Variants in INSYN2A observed in about 807,000 individuals in gnomAD.
INSYN2A encodes inhibitory synaptic factor 2A, also known as family with sequence similarity 196 member A.
Under a neutral mutation model 39.4 loss-of-function variants are expected in INSYN2A, and 17 were observed. The observed-to-expected ratio is 0.43, with a 90% CI of 0.30 to 0.65. The LOEUF is 0.65. Ranked by LOEUF, INSYN2A falls within the 30% of genes least tolerant of loss-of-function variation. INSYN2A has a pLI of 0.14. For missense variants in INSYN2A, 595 were observed against 631.2 expected (o/e 0.94, Z 0.61); for synonymous variants, 255 against 265.7 (o/e 0.96, Z 0.39).
At chr10:127,164,159 C>CTTTT (rs528947051) in intron 4 of INSYN2A, among the ~76,000 whole-genome samples, 2 of 63,582 alleles carry the variant, frequency 3.1e-5, no homozygotes, top group Admixed American at 2.3e-4. Context: ...CATTTGCCTC[C>CTTTT]TTTTTTTTTT....
intron 2 of INSYN2A, among the ~76,000 whole-genome samples, chr10:127,192,060 G>A (rs2056792934): frequency 6.6e-6 from 1 of 152,126 alleles, no homozygotes; most frequent in Admixed American, 6.5e-5. Context: ...TGATATGGTG[G>A]GGTTTTCTTT....
At chr10:127,159,690 C>T (rs140222200) in intron 4 of INSYN2A, among the ~76,000 whole-genome samples, 15 of 152,182 alleles carry the variant, frequency 9.9e-5, no homozygotes, top group East Asian at 7.7e-4. Context: ...ATTCCTTTTA[C>T]GGACCGTTGG....
intron 4 of INSYN2A, among the ~76,000 whole-genome samples, chr10:127,172,643 CCA>C (rs1214587590): frequency 2.0e-5 from 3 of 152,166 alleles, no homozygotes; most frequent in Non-Finnish European, 4.4e-5. Context: ...CTATCTGAGT[CCA>C]GAGGGCTCTG....
intron 5 of INSYN2A, among the ~76,000 whole-genome samples, chr10:127,141,528 C>A (rs539378043): frequency 1.3e-5 from 2 of 152,238 alleles, no homozygotes; most frequent in Admixed American, 1.3e-4. Flanking sequence ...CATGGTGAAA[C>A]CCCATCTGTA....
At chr10:127,187,826 C>A (rs1274591537) in intron 2 of INSYN2A, among the ~76,000 whole-genome samples, 2 of 152,076 alleles carry the variant, frequency 1.3e-5, no homozygotes, top group African/African-American at 2.4e-5. Context: ...TGGTCTCTAC[C>A]CCAGTCCAGG....
rs2050786927 is a variant in INSYN2A, at chr10:127,137,330, T to G, written c.*507A>C. ...ATGGTCTCCGACCACTTGAAAAAAT[T>G]GTGCTTTCTCCGGAATTTGATGTGC... On this transcript the variant is annotated 3_prime_UTR_variant, in exon 6 of 6. Transcript: ENST00000522781. 6.5e-6 allele frequency: 1 copy of G among 153,154 alleles called. No homozygotes were observed. The allele number at this position is 153,154 out of a possible 1,614,324, so 9.5% of individuals were successfully genotyped here.
chr10:127,186,506 C>A (rs1452212093), intron 2 of INSYN2A, among the ~76,000 whole-genome samples: 4 of 19,170 alleles, frequency 2.1e-4, no homozygotes, highest in South Asian at 2.8e-3. Context: ...TGGGAGAAAC[C>A]GCCCCCCCGC....
chr10:127,190,528 C>T (rs951208725), intron 2 of INSYN2A, among the ~76,000 whole-genome samples: 10 of 110,316 alleles, frequency 9.1e-5, no homozygotes, highest in Non-Finnish European at 1.2e-4. Context: ...CGCTGTGAAT[C>T]GCTTCATCCA....
At position 127,171,826 on chromosome 10, in the gene INSYN2A, C is replaced by A. The variant is rs367681384; in HGVS notation, c.1184+3386G>T. Among the ~76,000 whole-genome samples the A allele has an allele frequency of 1.6e-4, 25 of 152,290 alleles. No homozygotes were observed. In the East Asian group the frequency reaches 3.1e-3, roughly 19 times the overall value. ...TCAAGCAATTCTCCTGCCTCAGCCT[C>A]TGGAGGAGCTAGGATTACAGGTGCC... On this transcript the variant is annotated intron_variant, in intron 4 of 5. Transcript: ENST00000522781.
At chr10:127,163,665 T>C (rs1206904249) in intron 4 of INSYN2A, among the ~76,000 whole-genome samples, 4 of 152,174 alleles carry the variant, frequency 2.6e-5, no homozygotes, top group Admixed American at 6.5e-5. Flanking sequence ...GTATTCATAT[T>C]AGCCCATTTT....
intron 4 of INSYN2A, among the ~76,000 whole-genome samples, chr10:127,162,927 A>G (rs1439261945): frequency 6.6e-6 from 1 of 152,176 alleles, no homozygotes; most frequent in Admixed American, 6.5e-5. Flanking sequence ...GGAATTCTTG[A>G]TGGGTTAAGG....
intron 5 of INSYN2A, among the ~76,000 whole-genome samples, chr10:127,140,417 G>A (rs542172466): frequency 5.2e-4 from 79 of 152,274 alleles, no homozygotes; most frequent in Non-Finnish European, 8.7e-4. Flanking sequence ...ACTTGGAAAC[G>A]CCTGCCAGCA....
At chr10:127,142,743 C>G (rs746100807) in intron 5 of INSYN2A, among the ~76,000 whole-genome samples, 42 of 152,296 alleles carry the variant, frequency 2.8e-4, no homozygotes, top group Non-Finnish European at 5.7e-4. Context: ...GAACCATCCA[C>G]CCAAACACTC....
rs180776563 is a variant in INSYN2A at position 127,195,505 on chromosome 10, C to T, written c.-395+492G>A. On this transcript the variant is annotated intron_variant, in intron 1 of 5. Coordinates refer to ENST00000522781, the MANE Select transcript of INSYN2A (RefSeq NM_001039762.3). ...CTCTCCTCAACGGCCGGCGTCAGGG[C>T]CCCTCTGTTCCAACTCATCCCCCCC... is the stretch of plus-strand genomic sequence containing the variant. 4.5e-3 allele frequency among the ~76,000 whole-genome samples: 681 copies of T among 151,978 alleles called. 6 individuals are homozygous for T. The highest frequency in any genetic ancestry group is 0.016 in the African/African-American group (652 of 41,554).
chr10:127,175,461 TGCATCGGGGGTGA>T lies in INSYN2A; in HGVS notation c.922_934del (p.Pro309AlafsTer52). 6.2e-7 allele frequency: 1 copy of T among 1,610,850 alleles called. No individual in the cohort carries two copies. The highest frequency in any genetic ancestry group is 8.5e-7 in the Non-Finnish European group (1 of 1,180,008). Reference sequence around the variant, plus strand: ...CTCACTACATTCGGGGGACAGGCACTGCATCGGGGGTGAGCAGGCCAGGGCAGTTTCCGAGGGC... The same window carrying T: ...CTCACTACATTCGGGGGACAGGCACTGCAGGCCAGGGCAGTTTCCGAGGGC... On this transcript the variant is annotated frameshift_variant, in exon 4 of 6. Transcript: ENST00000522781. LOFTEE classifies it high-confidence loss of function. This position sits in a 1 kb window ranked among gnomAD's most constrained non-coding sequence, Gnocchi z 6.3.
intron 5 of INSYN2A, among the ~76,000 whole-genome samples, chr10:127,140,277 T>C (rs1592180918): frequency 1.3e-5 from 2 of 152,220 alleles, no homozygotes; most frequent in Non-Finnish European, 2.9e-5. Flanking sequence ...ATCTGAGTTC[T>C]TGTTAACAAA....
chr10:127,189,734 A>C (rs1422357675), intron 2 of INSYN2A, among the ~76,000 whole-genome samples: 1 of 152,246 alleles, frequency 6.6e-6, no homozygotes, highest in Non-Finnish European at 1.5e-5. Context: ...AAGTTCACAC[A>C]GTACGTTTGC....
chr10:127,166,330 G>C (rs1334588968), intron 4 of INSYN2A, among the ~76,000 whole-genome samples: 2 of 152,044 alleles, frequency 1.3e-5, no homozygotes, highest in Admixed American at 1.3e-4. Context: ...CTCCCAAAGT[G>C]CTGGGATTAC....
intron 4 of INSYN2A, among the ~76,000 whole-genome samples, chr10:127,168,425 C>T (rs987141645): frequency 3.9e-5 from 6 of 152,240 alleles, no homozygotes; most frequent in Middle Eastern, 6.3e-3. Context: ...CTCAGCTCAG[C>T]GCTGCTTTCT....
Sources: allele counts gnomAD v4.1 joint callset (sites outside exome capture counted in the v4.1 genomes callset), GRCh38; gene constraint gnomAD v4.1.1; non-coding constraint Gnocchi (gnomAD v3.1); transcripts MANE v1.5; gene names NCBI Gene and HGNC (gene_info 2026-07-23, HGNC 2026-07-21).